Variants in COL4A2 observed in about 807,000 individuals in gnomAD.
COL4A2 encodes collagen type IV alpha 2 chain.
COL4A2 carries 99 observed loss-of-function variants against 200.2 expected under a neutral mutation model. That is an observed-to-expected ratio of 0.49 (90% CI 0.42 to 0.58). The LOEUF (loss-of-function observed/expected upper bound fraction) is 0.58. COL4A2 is among the 20% of genes least tolerant of loss of function. COL4A2 has a pLI of 0.00. For missense variants in COL4A2, 1,950 were observed against 2,314.1 expected, an observed-to-expected ratio of 0.84 and a Z score of 3.23; for synonymous variants, 897 against 900.6, an observed-to-expected ratio of 1.00 and a Z score of 0.07.
Position 110,466,013 on chromosome 13 carries a change from A to G in COL4A2, c.1989A>G (p.Thr663=). 1.9e-6 allele frequency: 3 copies of G among 1,613,810 alleles called. No homozygotes were observed. The highest frequency in any genetic ancestry group is 1.3e-5 in the African/African-American group (1 of 75,048). ...ATGTCTTCCCCCCAGATTGTGACAC[A>G]GATGTGAAAAGGGCCGTTGGAGGTG... The part of the protein sequence containing the change: ...AGTPGQIDCD[T]DVKRAVGGDR... The change falls in exon 26 of 48, where the codon ACA becomes ACG. Residue 663 remains threonine, a synonymous_variant. Transcript: ENST00000360467.
intron 45 of COL4A2, among the ~76,000 whole-genome samples, chr13:110,505,128 A>C (rs1883801400): frequency 6.6e-6 from 1 of 151,742 alleles, no homozygotes; most frequent in South Asian, 2.1e-4. Flanking sequence ...AGGTGGGCGG[A>C]TCACAAGGGC....
intron 40 of COL4A2, among the ~76,000 whole-genome samples, chr13:110,500,256 T>C (rs1294513349): frequency 1.3e-5 from 2 of 152,222 alleles, no homozygotes; most frequent in African/African-American, 4.8e-5. Context: ...TTTGCACTGT[T>C]TCGCCCAGCT....
intron 4 of COL4A2, among the ~76,000 whole-genome samples, chr13:110,421,075 A>G (rs9521754): frequency 0.8 from 121,986 of 152,158 alleles, 48,951 homozygotes; most frequent in Admixed American, 0.85. Context: ...CTATAGCCCA[A>G]AAAATGGAAA....
intron 4 of COL4A2, among the ~76,000 whole-genome samples, chr13:110,401,574 G>T (rs537984468): frequency 6.6e-6 from 1 of 152,292 alleles, no homozygotes; most frequent in Non-Finnish European, 1.5e-5. Context: ...TAAGTAGCTT[G>T]ATATCATTAG....
intron 4 of COL4A2, among the ~76,000 whole-genome samples, chr13:110,411,036 C>CA (rs1879811450): frequency 6.6e-6 from 1 of 152,228 alleles, no homozygotes; most frequent in African/African-American, 2.4e-5. Flanking sequence ...AGCCCTCACT[C>CA]ACGGCCTGTG....
intron 3 of COL4A2, among the ~76,000 whole-genome samples, chr13:110,332,587 C>T (rs946821460): frequency 6.6e-6 from 1 of 152,176 alleles, no homozygotes; most frequent in Non-Finnish European, 1.5e-5. Flanking sequence ...GATGGTGGTA[C>T]ATGATGTTCC....
At position 110,493,204 on chromosome 13, in the gene COL4A2, C is replaced by G. The variant is rs1357656687; in HGVS notation, c.3563-7C>G. On this transcript the variant is annotated splice_region_variant and splice_polypyrimidine_tract_variant and intron_variant, in intron 38 of 47. Coordinates refer to ENST00000360467, the MANE Select transcript of COL4A2 (RefSeq NM_001846.4). Reference sequence around the variant, plus strand: ...GAAATAAATAACGATGAGTGACACCCCCGCAGGTTTTCCGGGACTCCGTGG... The same window carrying G: ...GAAATAAATAACGATGAGTGACACCGCCGCAGGTTTTCCGGGACTCCGTGG... 1.1e-5 allele frequency: 18 copies of G among 1,614,018 alleles called. No individual in the cohort carries two copies. The highest frequency in any genetic ancestry group is 1.7e-6 in the Non-Finnish European group (2 of 1,180,036).
At chr13:110,468,708 A>C (rs1254004322) in intron 27 of COL4A2, among the ~76,000 whole-genome samples, 1 of 152,240 alleles carries the variant, frequency 6.6e-6, no homozygotes, top group African/African-American at 2.4e-5. Flanking sequence ...AAAGTGTGGC[A>C]GATGGGTTTT....
Position 110,485,734 on chromosome 13 carries a change from C to G in COL4A2, c.3105C>G (p.Val1035=). Reference sequence around the variant, plus strand: ...GGAGGCCCGGCCACATCAAAGGAGTCAAGGGAGACATCGGAGTCCCCGGCA... The same window carrying G: ...GGAGGCCCGGCCACATCAAAGGAGTGAAGGGAGACATCGGAGTCCCCGGCA... ...LPGRPGHIKG[V]KGDIGVPGIP... Residue 1035 remains valine (V), a synonymous_variant, in exon 34 of 48, where the codon GTC becomes GTG. Transcript: ENST00000360467. The G allele has an allele frequency of 6.2e-7, 1 of 1,613,858 alleles. No homozygotes were observed.
chr13:110,474,676 T>TCC (rs1882612414), intron 29 of COL4A2, among the ~76,000 whole-genome samples: 1 of 56,024 alleles, frequency 1.8e-5, no homozygotes, highest in African/African-American at 6.2e-5. Flanking sequence ...TCACACTCCT[T>TCC]ACACACGTAC....
chr13:110,359,035 A>G (rs1412495362), intron 4 of COL4A2, among the ~76,000 whole-genome samples: 1 of 152,244 alleles, frequency 6.6e-6, no homozygotes, highest in Admixed American at 6.5e-5. Context: ...AGAAAAAAGT[A>G]GTTGCATTTA....
Position 110,436,125 on chromosome 13 carries a change from GTTA to G in COL4A2, c.727-139_727-137del, listed in dbSNP as rs143189600. On this transcript the variant is annotated intron_variant, in intron 12 of 47. Coordinates refer to ENST00000360467, the MANE Select transcript of COL4A2 (RefSeq NM_001846.4). Reference sequence around the variant, plus strand: ...TACATTAGGATTACTCTATTTTGTGGTTATTATACTGTAAATAGGTATACATAT... The same window carrying G: ...TACATTAGGATTACTCTATTTTGTGGTTATACTGTAAATAGGTATACATAT... The G allele has an allele frequency of 0.047, 56,713 of 1,204,204 alleles. 2,204 individuals are homozygous for G. The highest frequency in any genetic ancestry group is 0.18 in the African/African-American group (12,081 of 66,782). 74.6% of individuals were successfully genotyped at this position (1,204,204 alleles called of 1,614,324 possible). A position where few individuals can be genotyped will look rare whatever the true frequency, so the allele number is the denominator to read the frequency against.
At chr13:110,455,365 A>C (rs1396098866) in intron 20 of COL4A2, among the ~76,000 whole-genome samples, 1 of 151,936 alleles carries the variant, frequency 6.6e-6, no homozygotes, top group East Asian at 1.9e-4. Flanking sequence ...CCCGCTCCCC[A>C]CTTCAGGGGC....
intron 4 of COL4A2, among the ~76,000 whole-genome samples, chr13:110,365,860 A>G (rs939777914): frequency 1.3e-5 from 2 of 152,224 alleles, no homozygotes; most frequent in Non-Finnish European, 2.9e-5. Context: ...GATGGAGGAC[A>G]TGAAAGAAAA....
chr13:110,378,177 G>A (rs2139407959), intron 4 of COL4A2, among the ~76,000 whole-genome samples: 1 of 152,300 alleles, frequency 6.6e-6, no homozygotes, highest in Middle Eastern at 3.4e-3. Flanking sequence ...TGCTTTCTTG[G>A]CTAAAATAAG....
rs1200485211 is a variant in COL4A2 at position 110,307,806 on chromosome 13, G to A, written c.-44-54G>A. 2.0e-6 allele frequency: 3 copies of A among 1,465,128 alleles called. No homozygotes were observed. The highest frequency in any genetic ancestry group is 2.8e-6 in the Non-Finnish European group (3 of 1,088,184). 90.8% of individuals were successfully genotyped at this position (1,465,128 alleles called of 1,614,324 possible). On this transcript the variant is annotated intron_variant, in intron 1 of 47. Transcript: ENST00000360467. This position sits in a 1 kb window ranked among gnomAD's most constrained non-coding sequence, Gnocchi z 5.0. ...TCTCGCGGACCGAGACCGGCGGTGA[G>A]GATGGGCTGCCTCCCTCATCCTGCG...
At chr13:110,314,129 A>C (rs1441753516) in intron 3 of COL4A2, among the ~76,000 whole-genome samples, 1 of 152,184 alleles carries the variant, frequency 6.6e-6, no homozygotes, top group Admixed American at 6.5e-5. Context: ...TTCTGTACCA[A>C]TGTTGATTTC....
intron 28 of COL4A2, among the ~76,000 whole-genome samples, chr13:110,470,662 A>G (rs1383940743): frequency 1.3e-5 from 2 of 152,166 alleles, no homozygotes; most frequent in East Asian, 1.9e-4. Flanking sequence ...AGCGCTCCCC[A>G]TGTCTGGAAT....
intron 22 of COL4A2, among the ~76,000 whole-genome samples, chr13:110,460,154 C>T (rs1040968181): frequency 2.6e-5 from 4 of 152,144 alleles, no homozygotes; most frequent in Non-Finnish European, 5.9e-5. Flanking sequence ...TTGGTCAGGA[C>T]ACTTGGCCAA....
Sources: gnomAD v4.1 joint callset for allele counts (sites outside exome capture counted in the v4.1 genomes callset) on GRCh38, gnomAD v4.1.1 for gene constraint, Gnocchi (gnomAD v3.1) non-coding constraint, MANE v1.5 for transcripts, NCBI Gene and HGNC (gene_info 2026-07-23, HGNC 2026-07-21) for gene names.